The following TMEM184B variants were observed in gnomAD, a reference collection of about 807,000 sequenced individuals.
TMEM184B encodes transmembrane protein 184B.
TMEM184B carries 17 observed loss-of-function variants against 41.8 expected under a neutral mutation model. The observed-to-expected ratio is 0.41, with a 90% CI of 0.28 to 0.61. TMEM184B has a LOEUF of 0.61. TMEM184B is among the 20% of genes least tolerant of loss of function. The probability of loss-of-function intolerance (pLI) is 0.34; values close to 1 mark genes in which losing one functional copy is unlikely to be tolerated. For synonymous variants in TMEM184B, 240 were observed against 229.5 expected (o/e 1.05, Z -0.41); for missense variants, 393 against 557.8 (o/e 0.70, Z 2.98).
chr22:38,253,119 G>A (rs975904098), intron 1 of TMEM184B, among the ~76,000 whole-genome samples: 6 of 152,124 alleles, frequency 3.9e-5, no homozygotes, highest in African/African-American at 1.4e-4. Context: ...TCCAGCCTGG[G>A]TGACAGAGCC....
intron 1 of TMEM184B, among the ~76,000 whole-genome samples, chr22:38,270,877 A>G (rs1003355412): frequency 6.6e-6 from 1 of 152,210 alleles, no homozygotes; most frequent in Non-Finnish European, 1.5e-5. Context: ...CCAGCCAGAG[A>G]CCAGGAGCAA....
downstream of TMEM184B, among the ~76,000 whole-genome samples, chr22:38,218,039 G>A (rs1426387256): frequency 1.3e-5 from 2 of 152,016 alleles, no homozygotes; most frequent in Non-Finnish European, 2.9e-5. Flanking sequence ...CACCCAGAGA[G>A]GAAAAAACCC....
chr22:38,254,309 G>A lies in TMEM184B; in HGVS notation c.-58-6290C>T, dbSNP rs1195418890. Among the ~76,000 whole-genome samples the A allele has an allele frequency of 2.6e-5, 4 of 151,586 alleles. No individual in the cohort carries two copies. In the East Asian group the frequency reaches 7.8e-4, roughly 29 times the overall value. On this transcript the variant is annotated intron_variant, in intron 1 of 8. Transcript: ENST00000361906. ...TATCTCAGTAAAGAAGAGATACACA[G>A]CAAATAAGTACATGGCGCAGTGGCT... is the stretch of plus-strand genomic sequence containing the variant.
Position 38,226,544 on chromosome 22 carries a change from C to T in TMEM184B, c.617+235G>A. On this transcript the variant is annotated intron_variant, in intron 6 of 8. Transcript: ENST00000361906. The surrounding 1 kb of genome is among the most constrained non-coding windows in gnomAD (Gnocchi z 4.6). The stretch of plus-strand genomic sequence containing the variant: ...TTTGTGGCCCATCCCTTCATGGTAC[C>T]ACTCTGCAGCCTGGACATGAACGTG... 1 of 480,880 alleles carries T rather than the reference C, an allele frequency of 2.1e-6. No homozygotes were observed. Among genetic ancestry groups the T allele is most frequent in the Non-Finnish European group, 3.9e-6 (1 of 258,782 alleles). The allele number at this position is 480,880 out of a possible 1,614,324, so 29.8% of individuals were successfully genotyped here.
At position 38,225,630 on chromosome 22, in the gene TMEM184B, C is replaced by A. The variant is rs767790417; in HGVS notation, c.618-37G>T. On this transcript the variant is annotated intron_variant, in intron 6 of 8. Transcript: ENST00000361906. The surrounding 1 kb of genome is among the most constrained non-coding windows in gnomAD (Gnocchi z 4.4). Reference sequence around the variant, plus strand: ...GGAGCATTTTCTGGCTGGGACAGACCCTTGGAGGGAAGGGGCTCTCCTCGA... The same window carrying A: ...GGAGCATTTTCTGGCTGGGACAGACACTTGGAGGGAAGGGGCTCTCCTCGA... 22 of 1,576,852 alleles carry A rather than the reference C, an allele frequency of 1.4e-5. 1 individual carries two copies. In the Admixed American group the frequency reaches 4.1e-4, roughly 30 times the overall value.
rs1396343940 is a variant in TMEM184B at position 38,253,206 on chromosome 22, T to C, written c.-58-5187A>G. Among the ~76,000 whole-genome samples the C allele has an allele frequency of 2.6e-5, 4 of 152,272 alleles. No individual in the cohort carries two copies. The South Asian group carries it at 6.2e-4, about 24-fold the overall frequency. On this transcript the variant is annotated intron_variant, in intron 1 of 8. Coordinates refer to ENST00000361906, the MANE Select transcript of TMEM184B (RefSeq NM_012264.5). Reference sequence around the variant, plus strand: ...CCGCGGTGGCTCAGGCCGGTTGCCCTGGCACTCGGGGAGGTGAGGCTACAC... The same window carrying C: ...CCGCGGTGGCTCAGGCCGGTTGCCCCGGCACTCGGGGAGGTGAGGCTACAC...
chr22:38,270,625 G>A (rs372389253), intron 1 of TMEM184B, among the ~76,000 whole-genome samples: 1 of 152,152 alleles, frequency 6.6e-6, no homozygotes, highest in Non-Finnish European at 1.5e-5. Context: ...ACCCGGGGCT[G>A]CAGGGCCTGG....
chr22:38,256,490 A>G (rs1360526217), intron 1 of TMEM184B, among the ~76,000 whole-genome samples: 1 of 151,998 alleles, frequency 6.6e-6, no homozygotes, highest in Non-Finnish European at 1.5e-5. Context: ...CGGCCTCCCA[A>G]AGTGCTGGGA....
Position 38,231,301 on chromosome 22 carries a change from T to C in TMEM184B, c.392A>G (p.Tyr131Cys). 1.2e-6 allele frequency: 2 copies of C among 1,614,122 alleles called. No individual in the cohort carries two copies. Among genetic ancestry groups the C allele is most frequent in the Non-Finnish European group, 1.7e-6 (2 of 1,180,018 alleles). The change falls in exon 4 of 9, where the codon TAT becomes TGT. Residue 131 changes from tyrosine to cysteine, a missense_variant. Coordinates refer to ENST00000361906, the MANE Select transcript of TMEM184B (RefSeq NM_012264.5). ...GGAACTTTCTCCTCCTAGGTACTCA[T>C]AGCACAGGCTCAGGAAATTATAGAT... ...LVIYNFLSLC[Y>C]EYLGGESSIM... is the part of the protein sequence containing the mutation.
downstream of TMEM184B, among the ~76,000 whole-genome samples, chr22:38,218,841 G>A (rs948243927): frequency 2.0e-5 from 3 of 152,216 alleles, no homozygotes; most frequent in African/African-American, 2.4e-5. Flanking sequence ...GAAGGCATGC[G>A]GTACCAGAGA....
At chr22:38,231,629 AG>A (rs1209761290) in intron 3 of TMEM184B, 5 of 534,126 alleles carry the variant, frequency 9.4e-6, no homozygotes, top group Non-Finnish European at 1.7e-5. Flanking sequence ...GGGAGGCCAG[AG>A]GAGGCTGAGG....
At chr22:38,258,259 CT>C (rs2092315662) in intron 1 of TMEM184B, among the ~76,000 whole-genome samples, 1 of 151,182 alleles carries the variant, frequency 6.6e-6, no homozygotes, top group South Asian at 2.1e-4. Context: ...GTAGCTAAGG[CT>C]TTTGGACTAA....
downstream of TMEM184B, among the ~76,000 whole-genome samples, chr22:38,218,508 CT>C (rs1450338144): frequency 4.6e-5 from 7 of 151,994 alleles, no homozygotes; most frequent in Non-Finnish European, 1.0e-4. Context: ...GAGGCCAACT[CT>C]ATGGCTGGGT....
At chr22:38,242,783 G>A (rs183140734) in intron 3 of TMEM184B, among the ~76,000 whole-genome samples, 3 of 152,312 alleles carry the variant, frequency 2.0e-5, no homozygotes, top group Admixed American at 2.0e-4. Flanking sequence ...GGTGAACTTG[G>A]CCAGGCACGG....
rs1226129023 is a variant in TMEM184B, at chr22:38,230,716, G to A, written c.478C>T (p.Leu160Phe). 3.7e-6 allele frequency: 6 copies of A among 1,612,448 alleles called. No individual in the cohort carries two copies. The highest frequency in any genetic ancestry group is 4.2e-6 in the Non-Finnish European group (5 of 1,179,454). The part of the protein sequence containing the change: ...ESSCMYGTCC[L>F]WGKTYSIGFL... ...CCGATGGAATAAGTCTTTCCCCAGA[G>A]GCAGCAGGTGCCATACATACAGCTG... The change falls in exon 5 of 9, where the codon CTC becomes TTC. Residue 160 changes from leucine (L) to phenylalanine (F), a missense_variant. Around this residue, in one of 2 missense-constraint regions of TMEM184B, gnomAD observed 271 missense variants for 434.1 expected, o/e 0.62. Transcript: ENST00000361906.
intron 3 of TMEM184B, among the ~76,000 whole-genome samples, chr22:38,234,597 T>A (rs193150615): frequency 6.6e-6 from 1 of 152,184 alleles, no homozygotes; most frequent in Non-Finnish European, 1.5e-5. Context: ...AAACCATGAC[T>A]GAAGCTCCTG....
At chr22:38,231,509 CT>C (rs1333301872) in intron 3 of TMEM184B, 175 bp from the exon 4 acceptor site, 1 of 714,654 alleles carries the variant, frequency 1.4e-6, no homozygotes, top group African/African-American at 1.7e-5. Context: ...GACATCTGAC[CT>C]CCCACTCCTA....
intron 3 of TMEM184B, among the ~76,000 whole-genome samples, chr22:38,232,688 C>A (rs1446510368): frequency 6.6e-6 from 1 of 152,164 alleles, no homozygotes; most frequent in Non-Finnish European, 1.5e-5. Flanking sequence ...GTACAGAGTC[C>A]TTTTAGGCTC....
chr22:38,252,513 T>C (rs766841551), intron 1 of TMEM184B, among the ~76,000 whole-genome samples: 25 of 152,184 alleles, frequency 1.6e-4, no homozygotes, highest in Non-Finnish European at 2.9e-4. Context: ...GCCTTTAAGG[T>C]GCTCCAAGCC....
Sources: allele counts gnomAD v4.1 joint callset (sites outside exome capture counted in the v4.1 genomes callset), GRCh38; gene constraint gnomAD v4.1.1; regional missense constraint gnomAD v4.1.1; non-coding constraint Gnocchi (gnomAD v3.1); transcripts MANE v1.5; gene names NCBI Gene and HGNC (gene_info 2026-07-23, HGNC 2026-07-21).